The following PRKN variants were observed in gnomAD, a reference collection of about 807,000 sequenced individuals.
PRKN encodes parkin RBR E3 ubiquitin protein ligase.
A neutral mutation model predicts 59.5 loss-of-function variants in PRKN; 56 were observed. The ratio of observed to expected loss-of-function variants is 0.94; its 90% CI spans 0.76 to 1.18. The LOEUF is 1.18. Among genes scored for constraint, PRKN ranks in the 50% most tolerant of loss-of-function variants. The pLI is 0.00. For synonymous variants in PRKN, 250 were observed against 222.1 expected, an observed-to-expected ratio of 1.13 and a Z score of -1.12; for missense variants, 657 against 596.4, an observed-to-expected ratio of 1.10 and a Z score of -1.06.
At chr6:161,367,219 G>T (rs1330526870) in intron 10 of PRKN, among the ~76,000 whole-genome samples, 1 of 151,804 alleles carries the variant, frequency 6.6e-6, no homozygotes, top group African/African-American at 2.4e-5. Flanking sequence ...CTGACCTTGT[G>T]ATCCACCCGC....
At chr6:161,739,028 G>GAT (rs1251165441) in intron 7 of PRKN, among the ~76,000 whole-genome samples, 2 of 152,194 alleles carry the variant, frequency 1.3e-5, no homozygotes, top group East Asian at 3.8e-4. Context: ...AGAAGATATT[G>GAT]ATATGCCAGG....
intron 1 of PRKN, among the ~76,000 whole-genome samples, chr6:162,662,151 A>T (rs1249391715): frequency 3.3e-5 from 5 of 151,828 alleles, no homozygotes; most frequent in African/African-American, 7.3e-5. Context: ...GGATTGCTGG[A>T]TCGAATGATA....
intron 4 of PRKN, among the ~76,000 whole-genome samples, chr6:162,100,870 G>T (rs1779942121): frequency 1.3e-5 from 2 of 152,068 alleles, no homozygotes; most frequent in Non-Finnish European, 2.9e-5. Flanking sequence ...TTGGCCATTT[G>T]TATGACTTCT....
chr6:161,883,629 A>T (rs1334693722), intron 6 of PRKN, among the ~76,000 whole-genome samples: 1 of 151,962 alleles, frequency 6.6e-6, no homozygotes, highest in African/African-American at 2.4e-5. Flanking sequence ...TCATAAAATG[A>T]TTTTTTATTA....
At chr6:162,052,821 T>A (rs1337342878) in intron 5 of PRKN, among the ~76,000 whole-genome samples, 1 of 152,100 alleles carries the variant, frequency 6.6e-6, no homozygotes, top group Non-Finnish European at 1.5e-5. Context: ...CTTACAAGTT[T>A]ATAGGGGCAA....
chr6:162,494,446 C>G (rs1166886719), intron 1 of PRKN, among the ~76,000 whole-genome samples: 1 of 151,658 alleles, frequency 6.6e-6, no homozygotes, highest in Admixed American at 6.6e-5. Context: ...TGCTCTCCCC[C>G]ACTTCATATC....
At chr6:161,370,126 T>G in intron 10 of PRKN, 1 of 264,342 alleles carries the variant, frequency 3.8e-6, no homozygotes, top group South Asian at 3.6e-5. Context: ...GGATTGGCCT[T>G]AAATCTCCTT....
intron 2 of PRKN, among the ~76,000 whole-genome samples, chr6:162,425,803 A>G (rs1789212197): frequency 1.3e-5 from 2 of 152,230 alleles, no homozygotes; most frequent in Non-Finnish European, 2.9e-5. Flanking sequence ...AGGAAAATGC[A>G]AAAGGAAGAG....
chr6:161,382,239 G>C (rs1345942352), intron 10 of PRKN, among the ~76,000 whole-genome samples: 1 of 151,948 alleles, frequency 6.6e-6, no homozygotes, highest in East Asian at 1.9e-4. Context: ...ATGTACAGTT[G>C]TCTGAAAGCT....
chr6:162,605,051 C>G (rs1781855578), intron 1 of PRKN, among the ~76,000 whole-genome samples: 1 of 152,220 alleles, frequency 6.6e-6, no homozygotes, highest in Admixed American at 6.5e-5. Flanking sequence ...TATTTCTAAT[C>G]ATAAAGTATA....
intron 1 of PRKN, among the ~76,000 whole-genome samples, chr6:162,670,398 C>CA: frequency 6.6e-6 from 1 of 152,316 alleles, no homozygotes; most frequent in Non-Finnish European, 1.5e-5. Flanking sequence ...TCTCAAAAAT[C>CA]AATAGCAATT....
chr6:162,485,248 T>C (rs1792488156), intron 1 of PRKN, among the ~76,000 whole-genome samples: 1 of 152,146 alleles, frequency 6.6e-6, no homozygotes, highest in Non-Finnish European at 1.5e-5. Flanking sequence ...CAACTAAGGA[T>C]TCTTTAGAGG....
rs1002634544 is a variant in PRKN, at chr6:161,530,793, C to T, written c.1083+18061G>A. 1.3e-5 allele frequency among the ~76,000 whole-genome samples: 2 copies of T among 152,044 alleles called. No individual in the cohort carries two copies. The highest frequency in any genetic ancestry group is 4.8e-5 in the African/African-American group (2 of 41,428). On this transcript the variant is annotated intron_variant, in intron 9 of 11. Transcript: ENST00000366898. This position sits in a 1 kb window ranked among gnomAD's most constrained non-coding sequence, Gnocchi z 5.0. ...TTGGCCTCCCAAAGTGCTGGGATTA[C>T]AGGCGTGAGCCACCACACCTGGCCC...
chr6:161,522,067 G>A (rs1778847801), intron 9 of PRKN, among the ~76,000 whole-genome samples: 1 of 152,124 alleles, frequency 6.6e-6, no homozygotes, highest in South Asian at 2.1e-4. Flanking sequence ...TTGATGCGGT[G>A]TGTGTGTATA....
chr6:162,375,812 C>T (rs1786039367), intron 2 of PRKN, among the ~76,000 whole-genome samples: 1 of 151,594 alleles, frequency 6.6e-6, no homozygotes, highest in Admixed American at 6.6e-5. Context: ...CATATATATA[C>T]ATATTAACAT....
At chr6:161,680,755 ATATATATATATATATATATATTT>A (rs1302757286) in intron 7 of PRKN, among the ~76,000 whole-genome samples, 676 of 18,058 alleles carry the variant, frequency 0.037, 28 homozygotes, top group South Asian at 0.054. Flanking sequence ...ATATATATAT[ATATATATATATATATATATATTT>A]TTTTTTTTTT....
At chr6:162,413,654 G>T (rs937463351) in intron 2 of PRKN, among the ~76,000 whole-genome samples, 2 of 151,976 alleles carry the variant, frequency 1.3e-5, no homozygotes, top group Non-Finnish European at 2.9e-5. Context: ...TAACATTGCC[G>T]CTATTTTCAC....
At chr6:162,657,806 T>A (rs1300316017) in intron 1 of PRKN, among the ~76,000 whole-genome samples, 1 of 152,108 alleles carries the variant, frequency 6.6e-6, no homozygotes, top group Non-Finnish European at 1.5e-5. Context: ...CAGAATATAG[T>A]AGGGACATGA....
chr6:162,646,000 C>T (rs1308488472), intron 1 of PRKN, among the ~76,000 whole-genome samples: 1 of 151,564 alleles, frequency 6.6e-6, no homozygotes, highest in East Asian at 2.0e-4. Flanking sequence ...TCAGCCTCCC[C>T]AGTAGCTGGG....
Sources: allele counts gnomAD v4.1 joint callset (sites outside exome capture counted in the v4.1 genomes callset), GRCh38; gene constraint gnomAD v4.1.1; non-coding constraint Gnocchi (gnomAD v3.1); transcripts MANE v1.5; gene names NCBI Gene and HGNC (gene_info 2026-07-23, HGNC 2026-07-21).